OPCML: variants seen among roughly 807,000 people sequenced by gnomAD.
OPCML encodes the protein opioid binding protein/cell adhesion molecule like.
In OPCML, 13 loss-of-function variants were observed where a neutral mutation model predicts 37.8. That is an observed-to-expected ratio of 0.34 (90% CI 0.22 to 0.55). The LOEUF (loss-of-function observed/expected upper bound fraction) is 0.55, where lower values mean the gene tolerates loss of function less well. OPCML is among the 20% of genes least tolerant of loss of function. The pLI, the probability that OPCML is intolerant of heterozygous loss-of-function variation, is 0.91. For missense variants in OPCML, 341 were observed against 435.6 expected, an observed-to-expected ratio of 0.78 and a Z score of 1.93; for synonymous variants, 176 against 168.8, an observed-to-expected ratio of 1.04 and a Z score of -0.33.
intron 1 of OPCML, among the ~76,000 whole-genome samples, chr11:133,128,302 C>T (rs1349191359): frequency 6.6e-6 from 1 of 152,174 alleles, no homozygotes; most frequent in Non-Finnish European, 1.5e-5. Context: ...GCTCTTCTGA[C>T]AGTTGTCCTA....
At chr11:132,992,837 G>T (rs576422286) in intron 1 of OPCML, among the ~76,000 whole-genome samples, 8 of 152,164 alleles carry the variant, frequency 5.3e-5, no homozygotes, top group Non-Finnish European at 1.2e-4. Context: ...GCTGCCTAAG[G>T]ATCAAACTTC....
chr11:133,401,151 C>T (rs1945397017), intron 1 of OPCML, among the ~76,000 whole-genome samples: 1 of 152,128 alleles, frequency 6.6e-6, no homozygotes, highest in Admixed American at 6.5e-5. Flanking sequence ...TATTAGACAA[C>T]TCAATCACAC....
intron 4 of OPCML, among the ~76,000 whole-genome samples, chr11:132,505,302 T>C (rs1472084723): frequency 1.3e-5 from 2 of 152,206 alleles, no homozygotes; most frequent in Non-Finnish European, 2.9e-5. Flanking sequence ...CGTGCTTTAA[T>C]AAATGACTTC....
chr11:132,699,537 G>A (rs1943729215), intron 2 of OPCML, among the ~76,000 whole-genome samples: 1 of 152,052 alleles, frequency 6.6e-6, no homozygotes, highest in Admixed American at 6.5e-5. Context: ...TAAATAACTT[G>A]CTCAGAGGGT....
intron 1 of OPCML, among the ~76,000 whole-genome samples, chr11:133,473,006 A>G (rs184565176): frequency 1.3e-3 from 197 of 152,288 alleles, no homozygotes; most frequent in Middle Eastern, 0.01. Context: ...ACTAAGGGAC[A>G]AAGAACCATA....
At chr11:132,538,630 T>C (rs2096347148) in intron 3 of OPCML, among the ~76,000 whole-genome samples, 2 of 152,214 alleles carry the variant, frequency 1.3e-5, no homozygotes, top group Non-Finnish European at 2.9e-5. Context: ...AGGTCTTGTA[T>C]TACAAGGAGA....
At chr11:133,247,517 T>C (rs1367520712) in intron 1 of OPCML, among the ~76,000 whole-genome samples, 1 of 151,488 alleles carries the variant, frequency 6.6e-6, no homozygotes, top group Non-Finnish European at 1.5e-5. Flanking sequence ...GAAGTTTTCT[T>C]TTTTCTTTCT....
intron 2 of OPCML, among the ~76,000 whole-genome samples, chr11:132,723,704 C>T (rs1041223746): frequency 5.4e-4 from 83 of 152,354 alleles, no homozygotes; most frequent in African/African-American, 2.0e-3. Flanking sequence ...CCATTCCAGG[C>T]CTATGCCCTC....
chr11:132,548,715 T>C (rs973138106), intron 3 of OPCML, among the ~76,000 whole-genome samples: 10 of 152,164 alleles, frequency 6.6e-5, no homozygotes, highest in African/African-American at 2.4e-4. Context: ...ACTTGAAGGC[T>C]GGACCCAAGT....
intron 3 of OPCML, among the ~76,000 whole-genome samples, chr11:132,573,699 T>G (rs979691527): frequency 1.3e-5 from 2 of 152,040 alleles, no homozygotes; most frequent in Non-Finnish European, 2.9e-5. Flanking sequence ...TTTCTTTTCC[T>G]GTGGTGTTTA....
intron 3 of OPCML, among the ~76,000 whole-genome samples, chr11:132,649,635 CTTAG>C (rs1238910547): frequency 6.6e-6 from 1 of 152,096 alleles, no homozygotes; most frequent in Non-Finnish European, 1.5e-5. Flanking sequence ...TAGTTGCCTT[CTTAG>C]TTAGCCTAAC....
intron 1 of OPCML, among the ~76,000 whole-genome samples, chr11:133,464,540 G>A (rs754118494): frequency 2.6e-5 from 4 of 152,164 alleles, no homozygotes; most frequent in Admixed American, 1.3e-4. Flanking sequence ...CCTGAAATAT[G>A]AGGAAGGATC....
intron 1 of OPCML, among the ~76,000 whole-genome samples, chr11:133,041,039 A>G (rs1947883816): frequency 6.6e-6 from 1 of 152,054 alleles, no homozygotes. Context: ...GCTGGAAAAA[A>G]CTTTATGATA....
intron 1 of OPCML, among the ~76,000 whole-genome samples, chr11:133,194,197 TTCCCCC>T (rs567426929): frequency 1.6e-4 from 22 of 141,280 alleles, no homozygotes; most frequent in African/African-American, 5.9e-4. Flanking sequence ...CCCTTTCCCC[TTCCCCC>T]ACTTTTTTTT....
At chr11:133,233,576 A>G (rs990572944) in intron 1 of OPCML, among the ~76,000 whole-genome samples, 4 of 152,180 alleles carry the variant, frequency 2.6e-5, no homozygotes, top group African/African-American at 9.6e-5. Context: ...GTTTATCCAT[A>G]TAGTTTTGAG....
rs1943266954 is a variant in OPCML at position 132,688,698 on chromosome 11, G to T, written c.147-31379C>A. Among the ~76,000 whole-genome samples, 5 of 108,590 alleles carry T rather than the reference G, an allele frequency of 4.6e-5. 1 individual carries two copies. Among genetic ancestry groups the T allele is most frequent in the Admixed American group, 4.0e-4 (4 of 9,942 alleles). 71.2% of individuals were successfully genotyped at this position (108,590 alleles called of 152,430 possible). Reference sequence around the variant, plus strand: ...CTAATAGATACAAAATATAAAAATAGATTGGGAGGCCGAGGCGGGTGGATC... The same window carrying T: ...CTAATAGATACAAAATATAAAAATATATTGGGAGGCCGAGGCGGGTGGATC... On this transcript the variant is annotated intron_variant, in intron 2 of 7. Coordinates refer to ENST00000524381, the MANE Select transcript of OPCML (RefSeq NM_001012393.5).
chr11:133,216,636 G>A (rs1939596185), intron 1 of OPCML, among the ~76,000 whole-genome samples: 1 of 151,812 alleles, frequency 6.6e-6, no homozygotes, highest in South Asian at 2.1e-4. Context: ...TTACAGAAGA[G>A]GAAATTAAGG....
chr11:132,815,223 T>G (rs1241584627), intron 2 of OPCML, among the ~76,000 whole-genome samples: 1 of 152,192 alleles, frequency 6.6e-6, no homozygotes, highest in Non-Finnish European at 1.5e-5. Flanking sequence ...ATTATGCCTT[T>G]CCCTTTTTGA....
At chr11:133,511,564 G>A (rs574030772) in intron 1 of OPCML, among the ~76,000 whole-genome samples, 204 of 152,176 alleles carry the variant, frequency 1.3e-3, no homozygotes, top group African/African-American at 4.6e-3. Flanking sequence ...CTTCTGCCTG[G>A]AATGCCCTTT....
Sources: allele counts gnomAD v4.1 joint callset (sites outside exome capture counted in the v4.1 genomes callset), GRCh38; gene constraint gnomAD v4.1.1; transcripts MANE v1.5; gene names NCBI Gene and HGNC (gene_info 2026-07-23, HGNC 2026-07-21).